The following GLIS1 variants were observed in gnomAD, a reference collection of about 807,000 sequenced individuals.
GLIS1 encodes the protein GLIS family zinc finger 1, also known as zinc finger protein GLIS1.
In GLIS1, 24 loss-of-function variants were observed where a neutral mutation model predicts 63.8. That is an observed-to-expected ratio of 0.38 (90% CI 0.27 to 0.53). GLIS1 has a LOEUF of 0.53. Ranked by LOEUF, GLIS1 falls within the 20% of genes least tolerant of loss-of-function variation. The pLI is 0.85. For missense variants in GLIS1, 1,036 were observed against 1,074.1 expected (o/e 0.96, Z 0.50); for synonymous variants, 450 against 482.5 (o/e 0.93, Z 0.88).
intron 2 of GLIS1, among the ~76,000 whole-genome samples, chr1:53,626,292 G>A (rs1304608412): frequency 6.6e-6 from 1 of 152,062 alleles, no homozygotes; most frequent in Non-Finnish European, 1.5e-5. Flanking sequence ...CTTCCCCAGG[G>A]GACAGCCTCC....
chr1:53,706,667 C>T (rs1047856684), intron 2 of GLIS1, among the ~76,000 whole-genome samples: 5 of 152,200 alleles, frequency 3.3e-5, no homozygotes, highest in Admixed American at 2.0e-4. Flanking sequence ...ATCGGAAACA[C>T]GTGCCTTGTA....
chr1:53,551,977 C>T (rs1644764756), intron 4 of GLIS1, among the ~76,000 whole-genome samples: 1 of 152,092 alleles, frequency 6.6e-6, no homozygotes, highest in Non-Finnish European at 1.5e-5. Flanking sequence ...AACCAGAAAA[C>T]TTCCCAACCA....
chr1:53,719,365 G>A (rs546501647), intron 2 of GLIS1, among the ~76,000 whole-genome samples: 1 of 152,328 alleles, frequency 6.6e-6, no homozygotes, highest in African/African-American at 2.4e-5. Context: ...GGCATGGGGG[G>A]CAGAAAACGT....
rs943306303 is a variant in GLIS1 at position 53,586,661 on chromosome 1, A to T, written c.1320+7447T>A. Among the ~76,000 whole-genome samples the T allele has an allele frequency of 3.3e-5, 5 of 152,224 alleles. No homozygotes were observed. The East Asian group carries it at 7.7e-4, about 23-fold the overall frequency. On this transcript the variant is annotated intron_variant, in intron 4 of 10. Coordinates refer to ENST00000628545, the MANE Select transcript of GLIS1 (RefSeq NM_001367484.1). Reference sequence around the variant, plus strand: ...TAGAAGTCAAGCTATACTTGTACACAATCACAGGCTGAGGGGTGGCAAAGC... The same window carrying T: ...TAGAAGTCAAGCTATACTTGTACACTATCACAGGCTGAGGGGTGGCAAAGC...
At position 53,514,678 on chromosome 1, in the gene GLIS1, G is replaced by T. The variant is rs1323959395; in HGVS notation, c.1830C>A (p.Thr610=). The T allele has an allele frequency of 6.2e-7, 1 of 1,613,772 alleles. No individual in the cohort carries two copies. The highest frequency in any genetic ancestry group is 1.3e-5 in the African/African-American group (1 of 74,896). Residue 610 remains threonine (T), a synonymous_variant, in exon 8 of 11, where the codon ACC becomes ACA. Coordinates refer to ENST00000628545, the MANE Select transcript of GLIS1 (RefSeq NM_001367484.1). ...GAGGGGACAGATGGTGGTGGGAACT[G>T]GTGGTGGCATCCAGCGGGTGGTGCC... ...PSRHHPLDAT[T]SSHHHLSPLP...
rs1644624086 is a variant in GLIS1 at position 53,539,849 on chromosome 1, G to A, written c.1321-9897C>T. Among the ~76,000 whole-genome samples, 1 of 152,124 alleles carries A rather than the reference G, an allele frequency of 6.6e-6. No individual in the cohort carries two copies. The highest frequency in any genetic ancestry group is 1.5e-5 in the Non-Finnish European group (1 of 68,026). On this transcript the variant is annotated intron_variant, in intron 4 of 10. Transcript: ENST00000628545. The surrounding 1 kb of genome is among the most constrained non-coding windows in gnomAD (Gnocchi z 5.0). ...CTCTGAGTGGTGGCTGGCCTGGCCTGGCCTTGGGGACAGCATGCATAGCCT... is the reference window on the plus strand; with the variant it reads ...CTCTGAGTGGTGGCTGGCCTGGCCTAGCCTTGGGGACAGCATGCATAGCCT...
intron 4 of GLIS1, among the ~76,000 whole-genome samples, chr1:53,556,209 T>C (rs1644822678): frequency 7.8e-6 from 1 of 127,504 alleles, no homozygotes; most frequent in Non-Finnish European, 1.6e-5. Context: ...GCAGGTGTAT[T>C]GCAGGTGTGT....
chr1:53,702,565 C>T (rs1330512165), intron 2 of GLIS1, among the ~76,000 whole-genome samples: 5 of 152,200 alleles, frequency 3.3e-5, no homozygotes, highest in East Asian at 1.9e-4. Flanking sequence ...GCCAGAGTTT[C>T]CCTATCACTG....
intron 4 of GLIS1, among the ~76,000 whole-genome samples, chr1:53,564,815 C>G (rs1644923340): frequency 6.6e-6 from 1 of 151,830 alleles, no homozygotes; most frequent in Non-Finnish European, 1.5e-5. Context: ...GCAGTGAAAC[C>G]TAATAATAAT....
At chr1:53,694,789 C>T (rs1646447201) in intron 2 of GLIS1, among the ~76,000 whole-genome samples, 1 of 152,266 alleles carries the variant, frequency 6.6e-6, no homozygotes, top group Admixed American at 6.5e-5. Context: ...AACGCTGCCT[C>T]AAAAAATCCA....
chr1:53,655,137 T>C (rs1305689287), intron 2 of GLIS1, among the ~76,000 whole-genome samples: 3 of 152,152 alleles, frequency 2.0e-5, no homozygotes, highest in Non-Finnish European at 4.4e-5. Flanking sequence ...GTGAGGAAAC[T>C]GAGGCTGAAA....
intron 3 of GLIS1, among the ~76,000 whole-genome samples, chr1:53,597,308 G>A (rs1208825625): frequency 4.0e-5 from 6 of 149,142 alleles, no homozygotes; most frequent in Admixed American, 6.7e-5. Flanking sequence ...GGGAGGCGGA[G>A]CTTGCAGTGA....
chr1:53,692,226 A>T (rs1192041372), intron 2 of GLIS1, among the ~76,000 whole-genome samples: 2 of 152,206 alleles, frequency 1.3e-5, no homozygotes, highest in Admixed American at 1.3e-4. Context: ...TGAACGAAGC[A>T]CACCACGTAA....
intron 4 of GLIS1, among the ~76,000 whole-genome samples, chr1:53,537,823 G>C (rs944281552): frequency 6.6e-6 from 1 of 152,228 alleles, no homozygotes; most frequent in African/African-American, 2.4e-5. Flanking sequence ...CCAGTGACTT[G>C]CTTCTAAATA....
intron 2 of GLIS1, among the ~76,000 whole-genome samples, chr1:53,654,207 CAGGCACGGTTCT>C (rs1009527384): frequency 2.0e-5 from 3 of 152,234 alleles, no homozygotes; most frequent in African/African-American, 7.2e-5. Context: ...TCCTCTGTGC[CAGGCACGGTTCT>C]AGGTACTTGG....
At chr1:53,509,634 A>G (rs1428166376) in intron 9 of GLIS1, among the ~76,000 whole-genome samples, 1 of 151,182 alleles carries the variant, frequency 6.6e-6, no homozygotes, top group Non-Finnish European at 1.5e-5. Flanking sequence ...TCCAGAACAC[A>G]CTCTTCCTCA....
intron 2 of GLIS1, among the ~76,000 whole-genome samples, chr1:53,697,855 C>G (rs967945106): frequency 6.6e-6 from 1 of 152,188 alleles, no homozygotes; most frequent in Admixed American, 6.5e-5. Flanking sequence ...GCTAAAGTCA[C>G]AGAGCCCATA....
chr1:53,675,205 C>T (rs1281015116), intron 2 of GLIS1, among the ~76,000 whole-genome samples: 1 of 152,186 alleles, frequency 6.6e-6, no homozygotes, highest in Non-Finnish European at 1.5e-5. Context: ...CTTTCCCAAA[C>T]CCTGTTAAAT....
chr1:53,715,169 GCC>G (rs1646685213), intron 2 of GLIS1, among the ~76,000 whole-genome samples: 1 of 152,182 alleles, frequency 6.6e-6, no homozygotes, highest in Admixed American at 6.5e-5. Flanking sequence ...GTCTACCTCA[GCC>G]CCCCACAGTG....
Sources: gnomAD v4.1 joint callset for allele counts (sites outside exome capture counted in the v4.1 genomes callset) on GRCh38, gnomAD v4.1.1 for gene constraint, Gnocchi (gnomAD v3.1) non-coding constraint, MANE v1.5 for transcripts, NCBI Gene and HGNC (gene_info 2026-07-23, HGNC 2026-07-21) for gene names.